The following FYN variants were observed in gnomAD, a reference collection of about 807,000 sequenced individuals.
The protein encoded by FYN is tyrosine-protein kinase Fyn.
A neutral mutation model predicts 70.2 loss-of-function variants in FYN; 10 were observed. That is an observed-to-expected ratio of 0.14 (90% CI 0.09 to 0.24). FYN has a LOEUF of 0.24. Ranked by LOEUF, FYN falls within the 10% of genes least tolerant of loss-of-function variation. The pLI, the probability that FYN is intolerant of heterozygous loss-of-function variation, is 1.00. For missense variants in FYN, 319 were observed against 673.1 expected (o/e 0.47, Z 5.82); for synonymous variants, 236 against 248.6 (o/e 0.95, Z 0.48).
intron 1 of FYN, among the ~76,000 whole-genome samples, chr6:111,852,030 T>C (rs973435497): frequency 5.9e-5 from 9 of 152,046 alleles, no homozygotes; most frequent in Admixed American, 2.0e-4. Context: ...ATCCAGCCCA[T>C]AGAGTGGTTT....
At chr6:111,808,456 G>GT (rs1772221466) in intron 2 of FYN, among the ~76,000 whole-genome samples, 1 of 152,186 alleles carries the variant, frequency 6.6e-6, no homozygotes, top group Admixed American at 6.5e-5. Context: ...GACAGGGATA[G>GT]TGACCCCATT....
rs112873722 is a variant in FYN at position 111,775,039 on chromosome 6, G to T, written c.-12+5527C>A. Among the ~76,000 whole-genome samples, 51 of 152,232 alleles carry T rather than the reference G, an allele frequency of 3.4e-4. No individual in the cohort carries two copies. The South Asian group carries it at 3.7e-3, about 11-fold the overall frequency. On this transcript the variant is annotated intron_variant, in intron 3 of 13. Transcript: ENST00000354650. ...CAGCTAGCTGTTTACAAACTTAAAT[G>T]AGCTATGCCTACGATACCCTAATAT...
At chr6:111,664,945 A>G (rs1442599672) in intron 13 of FYN, among the ~76,000 whole-genome samples, 1 of 152,236 alleles carries the variant, frequency 6.6e-6, no homozygotes, top group Non-Finnish European at 1.5e-5. Context: ...CAGGACCTGC[A>G]ACGGGCTGAC....
At chr6:111,667,934 T>C (rs78746257) in intron 13 of FYN, among the ~76,000 whole-genome samples, 104 of 152,358 alleles carry the variant, frequency 6.8e-4, no homozygotes, top group African/African-American at 2.5e-3. Flanking sequence ...ACTTTAACAA[T>C]GGGAATGATG....
At chr6:111,757,877 T>C (rs1162679953) in intron 3 of FYN, among the ~76,000 whole-genome samples, 1 of 152,252 alleles carries the variant, frequency 6.6e-6, no homozygotes, top group Non-Finnish European at 1.5e-5. Context: ...GGTCAGCTCA[T>C]GTTTTTAACA....
At chr6:111,786,883 A>C (rs1382409934) in intron 2 of FYN, among the ~76,000 whole-genome samples, 1 of 152,152 alleles carries the variant, frequency 6.6e-6, no homozygotes, top group Non-Finnish European at 1.5e-5. Context: ...GTGTCTGTTC[A>C]TATCCTTTGC....
At chr6:111,665,316 A>T (rs774526337) in intron 13 of FYN, among the ~76,000 whole-genome samples, 22 of 152,192 alleles carry the variant, frequency 1.4e-4, no homozygotes, top group Admixed American at 2.6e-4. Flanking sequence ...ATTCTCAGCT[A>T]TATGAATTTT....
chr6:111,759,614 C>T (rs545675536), intron 3 of FYN, among the ~76,000 whole-genome samples: 21 of 152,270 alleles, frequency 1.4e-4, no homozygotes, highest in African/African-American at 4.6e-4. Flanking sequence ...GGGGTTCTTG[C>T]CCTTCAGGAC....
At chr6:111,733,597 C>A (rs971924840) in intron 3 of FYN, among the ~76,000 whole-genome samples, 1 of 151,584 alleles carries the variant, frequency 6.6e-6, no homozygotes, top group Non-Finnish European at 1.5e-5. Context: ...AGTTCTGGAG[C>A]CCAGTTTCCT....
intron 2 of FYN, among the ~76,000 whole-genome samples, chr6:111,798,761 T>G (rs1352372429): frequency 6.6e-6 from 1 of 152,224 alleles, no homozygotes; most frequent in Admixed American, 6.5e-5. Flanking sequence ...TTCGTGGCAC[T>G]GTGGTGAAGA....
intron 7 of FYN, among the ~76,000 whole-genome samples, chr6:111,703,779 G>A (rs772413072): frequency 3.5e-4 from 53 of 152,194 alleles, no homozygotes; most frequent in Non-Finnish European, 6.8e-4. Context: ...CATCCAGCCC[G>A]TTTCAGGAGG....
intron 12 of FYN, among the ~76,000 whole-genome samples, chr6:111,679,610 C>T (rs1798697620): frequency 6.6e-6 from 1 of 152,132 alleles, no homozygotes; most frequent in African/African-American, 2.4e-5. Context: ...AGCGTATTAT[C>T]AGTTCCCTGC....
At chr6:111,765,348 C>T (rs1423536338) in intron 3 of FYN, among the ~76,000 whole-genome samples, 1 of 152,052 alleles carries the variant, frequency 6.6e-6, no homozygotes, top group Non-Finnish European at 1.5e-5. Flanking sequence ...TAGGGCTGGT[C>T]TTCTTATAGG....
chr6:111,730,907 A>G (rs1801418245), intron 3 of FYN, among the ~76,000 whole-genome samples: 1 of 152,126 alleles, frequency 6.6e-6, no homozygotes, highest in South Asian at 2.1e-4. Context: ...GAGAAACAGG[A>G]AGGTCAGTGT....
intron 2 of FYN, among the ~76,000 whole-genome samples, chr6:111,810,115 C>G (rs1349056859): frequency 6.6e-6 from 1 of 152,090 alleles, no homozygotes; most frequent in African/African-American, 2.4e-5. Flanking sequence ...TAATCTGAAT[C>G]CTGTCTTGTT....
At chr6:111,860,813 A>C (rs191856223) in intron 1 of FYN, among the ~76,000 whole-genome samples, 1 of 152,296 alleles carries the variant, frequency 6.6e-6, no homozygotes, top group African/African-American at 2.4e-5. Flanking sequence ...AACCTCCAAG[A>C]GAACAACCTC....
rs573607046 is a variant in FYN at position 111,723,182 on chromosome 6, C to G, written c.-11-3120G>C. Among the ~76,000 whole-genome samples the G allele has an allele frequency of 1.9e-3, 294 of 152,222 alleles. 1 individual carries two copies. Among genetic ancestry groups the G allele is most frequent in the Non-Finnish European group, 3.0e-3 (201 of 68,008 alleles). On this transcript the variant is annotated intron_variant, in intron 3 of 13. Coordinates refer to ENST00000354650, the MANE Select transcript of FYN (RefSeq NM_002037.5). ...CTAAGAAAAAATAATCTTTCAAAAT[C>G]CACTTTAAAAAAGAAATATACTATA...
At chr6:111,854,001 G>A (rs1415330399) in intron 1 of FYN, among the ~76,000 whole-genome samples, 4 of 152,212 alleles carry the variant, frequency 2.6e-5, no homozygotes, top group Non-Finnish European at 1.5e-5. Flanking sequence ...TTCTACCCAG[G>A]TTGACAGTGT....
At chr6:111,805,447 A>C (rs1416375189) in intron 2 of FYN, among the ~76,000 whole-genome samples, 2 of 152,200 alleles carry the variant, frequency 1.3e-5, no homozygotes, top group African/African-American at 4.8e-5. Context: ...GCTGTTTGCC[A>C]AATCTGGCAA....
Sources: gnomAD v4.1 joint callset for allele counts (sites outside exome capture counted in the v4.1 genomes callset) on GRCh38, gnomAD v4.1.1 for gene constraint, MANE v1.5 for transcripts, NCBI Gene and HGNC (gene_info 2026-07-23, HGNC 2026-07-21) for gene names.